The following HDC variants were observed in gnomAD, a reference collection of about 807,000 sequenced individuals.
HDC encodes the protein histidine decarboxylase.
A neutral mutation model predicts 64.4 loss-of-function variants in HDC; 27 were observed. That is an observed-to-expected ratio of 0.42 (90% CI 0.31 to 0.58). The LOEUF (loss-of-function observed/expected upper bound fraction) is 0.58, where lower values mean the gene tolerates loss of function less well. Among genes scored for constraint, HDC ranks in the 20% least tolerant of loss-of-function variants. The probability of loss-of-function intolerance (pLI) is 0.16; values close to 1 mark genes in which losing one functional copy is unlikely to be tolerated. For missense variants in HDC, 711 were observed against 833.9 expected (o/e 0.85, Z 1.81); for synonymous variants, 305 against 314.2 (o/e 0.97, Z 0.31).
intron 10 of HDC, among the ~76,000 whole-genome samples, chr15:50,245,753 G>T (rs991856121): frequency 1.3e-5 from 2 of 152,070 alleles, no homozygotes; most frequent in Non-Finnish European, 2.9e-5. Flanking sequence ...AAAGTAGCCA[G>T]GCATGATGGT....
At position 50,263,256 on chromosome 15, in the gene HDC, A is replaced by G. The variant is rs562130857; in HGVS notation, c.183T>C (p.Ile61=). The G allele has an allele frequency of 6.2e-7, 1 of 1,614,102 alleles. No homozygotes were observed. The highest frequency in any genetic ancestry group is 1.3e-5 in the African/African-American group (1 of 75,028). Residue 61 remains isoleucine, a synonymous_variant, in exon 2 of 12, where the codon ATT becomes ATC. Coordinates refer to ENST00000267845, the MANE Select transcript of HDC (RefSeq NM_002112.4). ...TCACCCCAGGCATGATGATTCGTTC[A>G]ATGTCCCCAAAGATGCTGTCCCAGC... The part of the protein sequence containing the change: ...PDSWDSIFGD[I]ERIIMPGVVH...
At chr15:50,257,676 CA>C in intron 3 of HDC, 129 bp from the exon 4 acceptor site, 1 of 1,007,216 alleles carries the variant, frequency 9.9e-7, no homozygotes, top group Non-Finnish European at 1.5e-6. Context: ...CATGTTAGGC[CA>C]CGTGCCTCTC....
At chr15:50,243,356 G>A (rs569029117) in intron 10 of HDC, 112 bp from the exon 11 acceptor site, 81 of 778,198 alleles carry the variant, frequency 1.0e-4, no homozygotes, top group South Asian at 5.2e-4. Context: ...CGTCACAGCC[G>A]TTGTAAGCGG....
chr15:50,242,454 G>C lies in HDC; in HGVS notation c.1795C>G (p.Pro599Ala). 1 of 1,614,006 alleles carries C rather than the reference G, an allele frequency of 6.2e-7. No homozygotes were observed. The highest frequency in any genetic ancestry group is 8.5e-7 in the Non-Finnish European group (1 of 1,179,850). ...CCATTCTTCACAGAGGCCTCTGTGG[G>C]CAGTGGCTTCTGAGCACTCACTGGC... ...SVPVSAQKPL[P>A]TEASVKNGGS... Residue 599 changes from proline to alanine, a missense_variant, in exon 12 of 12, where the codon CCC becomes GCC. By Grantham distance (27) the Pro-to-Ala change is conservative (BLOSUM62 -1). Around this residue, in one of 3 missense-constraint regions of HDC, gnomAD observed 483 missense variants for 540.9 expected, o/e 0.89. Transcript: ENST00000267845.
chr15:50,262,198 A>T (rs575419142), intron 2 of HDC, among the ~76,000 whole-genome samples: 29 of 152,232 alleles, frequency 1.9e-4, no homozygotes, highest in Admixed American at 4.6e-4. Context: ...AGCCAGGCAC[A>T]TTCAGGCACC....
chr15:50,246,954 C>T (rs1313454588), intron 10 of HDC, among the ~76,000 whole-genome samples: 1 of 152,112 alleles, frequency 6.6e-6, no homozygotes, highest in Non-Finnish European at 1.5e-5. Context: ...TCATAGGAAA[C>T]TGGAGAACAT....
chr15:50,253,546 A>G, intron 7 of HDC, 54 bp downstream of exon 7: 1 of 1,483,042 alleles, frequency 6.7e-7, no homozygotes, highest in Non-Finnish European at 9.4e-7. Context: ...TTGCTTTAGG[A>G]GACATTTAAA....
chr15:50,261,211 T>A (rs957186366), intron 2 of HDC, among the ~76,000 whole-genome samples: 3 of 152,106 alleles, frequency 2.0e-5, no homozygotes, highest in Non-Finnish European at 2.9e-5. Context: ...CAAACAGACC[T>A]CTTTCCAGAA....
At chr15:50,255,848 A>G (rs1411692158) in intron 4 of HDC, among the ~76,000 whole-genome samples, 1 of 152,156 alleles carries the variant, frequency 6.6e-6, no homozygotes, top group Non-Finnish European at 1.5e-5. Context: ...ATTGCAATTC[A>G]TAGTTTACAA....
At chr15:50,257,641 A>G (rs776709470) in intron 3 of HDC, 94 bp from the exon 4 acceptor site, 13 of 1,435,670 alleles carry the variant, frequency 9.1e-6, no homozygotes, top group African/African-American at 1.4e-5. Flanking sequence ...GATGGTGTCA[A>G]TGGGAACATT....
At chr15:50,262,862 T>G (rs2045722271) in intron 2 of HDC, among the ~76,000 whole-genome samples, 1 of 151,994 alleles carries the variant, frequency 6.6e-6, no homozygotes, top group Non-Finnish European at 1.5e-5. Context: ...ACCACCAGCT[T>G]CCTCTCCCCT....
chr15:50,264,787 G>T (rs1342387444), intron 1 of HDC, among the ~76,000 whole-genome samples: 1 of 152,074 alleles, frequency 6.6e-6, no homozygotes, highest in Non-Finnish European at 1.5e-5. Flanking sequence ...TCTTCCTTCT[G>T]CTCCCCTTCA....
intron 9 of HDC, among the ~76,000 whole-genome samples, chr15:50,252,026 C>T (rs1188441858): frequency 6.6e-6 from 1 of 152,042 alleles, no homozygotes; most frequent in East Asian, 1.9e-4. Context: ...AAAACAAAAG[C>T]GATTTCAGCA....
At position 50,263,383 on chromosome 15, in the gene HDC, C is replaced by G. The variant is rs1482277416; in HGVS notation, c.56G>C (p.Cys19Ser). Residue 19 changes from cysteine to serine, a missense_variant, in exon 2 of 12, where the codon TGC becomes TCC. Around this residue, in one of 3 missense-constraint regions of HDC, gnomAD observed 225 missense variants for 276.2 expected, o/e 0.81. Transcript: ENST00000267845. ...CTCCCGCACAGTGCTCAGGTACTGGCAGATGTAATCCACCATCTCTCTCCC... is the reference window on the plus strand; with the variant it reads ...CTCCCGCACAGTGCTCAGGTACTGGGAGATGTAATCCACCATCTCTCTCCC... Reference protein sequence around the residue: ...ERGREMVDYICQYLSTVRERR... With the variant: ...ERGREMVDYISQYLSTVRERR... The G allele has an allele frequency of 1.1e-5, 18 of 1,614,068 alleles. No homozygotes were observed. Among genetic ancestry groups the G allele is most frequent in the Non-Finnish European group, 1.5e-5 (18 of 1,180,022 alleles).
Position 50,242,677 on chromosome 15 carries a change from C to T in HDC, c.1572G>A (p.Lys524=). The T allele has an allele frequency of 1.2e-6, 2 of 1,614,184 alleles. No homozygotes were observed. The highest frequency in any genetic ancestry group is 1.7e-6 in the Non-Finnish European group (2 of 1,180,032). The change falls in exon 12 of 12, where the codon AAG becomes AAA. Residue 524 remains lysine, a synonymous_variant. Coordinates refer to ENST00000267845, the MANE Select transcript of HDC (RefSeq NM_002112.4). ...GACCGGCTCCCACACGCTGAGGCTG[C>T]TTGATGATCTTCCTGGCCTGGACTG... ...DDPVQARKII[K]QPQRVGAGPM...
chr15:50,259,337 G>T (rs1382968956), intron 2 of HDC, among the ~76,000 whole-genome samples: 3 of 152,140 alleles, frequency 2.0e-5, no homozygotes, highest in South Asian at 4.1e-4. Context: ...CATCACATTG[G>T]GAATGTAGTG....
intron 4 of HDC, among the ~76,000 whole-genome samples, chr15:50,255,878 C>T (rs757046291): frequency 3.9e-5 from 6 of 152,220 alleles, no homozygotes; most frequent in Non-Finnish European, 5.9e-5. Context: ...TGGCATTCTA[C>T]TTGCTCCTCA....
chr15:50,251,486 GA>G (rs2045553478), intron 9 of HDC, among the ~76,000 whole-genome samples: 2 of 152,184 alleles, frequency 1.3e-5, no homozygotes, highest in South Asian at 4.1e-4. Flanking sequence ...TGCTGGAATG[GA>G]ATTCCAAACC....
Position 50,263,321 on chromosome 15 carries a change from G to C in HDC, c.118C>G (p.Arg40Gly), listed in dbSNP as rs750405599. The C allele has an allele frequency of 1.2e-6, 2 of 1,613,954 alleles. No homozygotes were observed. The highest frequency in any genetic ancestry group is 1.7e-6 in the Non-Finnish European group (2 of 1,179,962). ...GGAGCACTCTCAGGCAGCTGGGCTC[G>C]CAGGTAGCCAGGCTGCACGTCTGGC... ...VTPDVQPGYL[R>G]AQLPESAPED... is the part of the protein sequence containing the mutation. The change falls in exon 2 of 12, where the codon CGA becomes GGA. Residue 40 changes from arginine (R) to glycine (G), a missense_variant. Arg to Gly is a moderately radical substitution (Grantham distance 125, BLOSUM62 -2). Coordinates refer to ENST00000267845, the MANE Select transcript of HDC (RefSeq NM_002112.4).
Sources: allele counts gnomAD v4.1 joint callset (sites outside exome capture counted in the v4.1 genomes callset), GRCh38; gene constraint gnomAD v4.1.1; regional missense constraint gnomAD v4.1.1; transcripts MANE v1.5; gene names NCBI Gene and HGNC (gene_info 2026-07-23, HGNC 2026-07-21).